Variants in FEZF2 observed in about 807,000 individuals in gnomAD.
The protein encoded by FEZF2 is fez family zinc finger protein 2.
Under a neutral mutation model 32.8 loss-of-function variants are expected in FEZF2, and 2 were observed. The ratio of observed to expected loss-of-function variants is 0.06; its 90% CI spans 0.02 to 0.19. FEZF2 has a LOEUF of 0.19. Ranked by LOEUF, FEZF2 falls within the 10% of genes least tolerant of loss-of-function variation. The pLI is 1.00. For synonymous variants in FEZF2, 322 were observed against 284.8 expected (o/e 1.13, Z -1.32); for missense variants, 516 against 625.4 (o/e 0.83, Z 1.87).
Position 62,370,533 on chromosome 3 carries a change from C to G in FEZF2, c.1121-191G>C, listed in dbSNP as rs569147768. Among the ~76,000 whole-genome samples the G allele has an allele frequency of 6.6e-6, 1 of 152,308 alleles. No individual in the cohort carries two copies. The highest frequency in any genetic ancestry group is 6.5e-5 in the Admixed American group (1 of 15,308). On this transcript the variant is annotated intron_variant, in intron 4 of 4. Coordinates refer to ENST00000283268, the MANE Select transcript of FEZF2 (RefSeq NM_018008.4). The surrounding 1 kb of genome is among the most constrained non-coding windows in gnomAD (Gnocchi z 4.2). ...AAGCCGGGTGCTCTCCCGACAAGAC[C>G]GAGACTGAGTCCCGCGGAGCCGCTC...
rs1022150045 is a variant in FEZF2 at position 62,372,620 on chromosome 3, C to T, written c.249G>A (p.Val83=). 1 of 1,562,496 alleles carries T rather than the reference C, an allele frequency of 6.4e-7. No individual in the cohort carries two copies. Among genetic ancestry groups the T allele is most frequent in the African/African-American group, 1.4e-5 (1 of 72,168 alleles). ...AGTAACTGAGCAGTGTCTTTGACGG[C>T]ACCTCGTAGCCTAGGGGCTGGAGGG... ...MIPLQPLGYE[V]PSKTLLSYSE... Residue 83 remains valine (V), a synonymous_variant, in exon 2 of 5, where the codon GTG becomes GTA. Coordinates refer to ENST00000283268, the MANE Select transcript of FEZF2 (RefSeq NM_018008.4). The surrounding 1 kb of genome is among the most constrained non-coding windows in gnomAD (Gnocchi z 9.6).
At chr3:62,371,792 G>A (rs964829165) in intron 2 of FEZF2, 125 bp from the exon 3 acceptor site, 2 of 1,453,900 alleles carry the variant, frequency 1.4e-6, no homozygotes, top group Non-Finnish European at 1.8e-6. Context: ...TTTTCAGTTT[G>A]TAAAGTGCTG....
At position 62,370,072 on chromosome 3, in the gene FEZF2, G is replaced by A. The variant is rs373008990; in HGVS notation, c.*11C>T. 1.2e-6 allele frequency: 2 copies of A among 1,612,396 alleles called. No individual in the cohort carries two copies. On this transcript the variant is annotated 3_prime_UTR_variant, in exon 5 of 5. Coordinates refer to ENST00000283268, the MANE Select transcript of FEZF2 (RefSeq NM_018008.4). This position sits in a 1 kb window ranked among gnomAD's most constrained non-coding sequence, Gnocchi z 4.2. ...GGTACAGGGAGGGAAGGAAGGGCAA[G>A]GCAGTAGCTCTCAGCTCTGCACTGT...
Position 62,370,227 on chromosome 3 carries a change from G to C in FEZF2, c.1236C>G (p.Asn412Lys). Residue 412 changes from asparagine (N) to lysine (K), a missense_variant, in exon 5 of 5, where the codon AAC (asparagine) becomes AAG (lysine). Physicochemically the swap from Asn to Lys is moderately conservative, Grantham distance 94. This residue lies in a region of FEZF2 where 79 missense variants were observed against 219.4 expected (regional missense o/e 0.36). Transcript: ENST00000283268. The surrounding 1 kb of genome is among the most constrained non-coding windows in gnomAD (Gnocchi z 4.2). ...TGGCGCACGTGAAAGGCTTCTTGTC[G>C]TTGTGGGTGTGCATATGGAAGGTTA... ...YNLTFHMHTH[N>K]DKKPFTCATC... The C allele has an allele frequency of 1.9e-6, 3 of 1,614,178 alleles. No homozygotes were observed. Among genetic ancestry groups the C allele is most frequent in the Non-Finnish European group, 2.5e-6 (3 of 1,180,044 alleles).
In FEZF2 at chr3:62,369,862, C is replaced by A. The variant is rs1242677361; in HGVS notation, c.*221G>T. Reference sequence around the variant, plus strand: ...CTGGAATTAAATACGTTTCGGCGCACTGGATTTAAATAAGTTTCCTGAATA... The same window carrying A: ...CTGGAATTAAATACGTTTCGGCGCAATGGATTTAAATAAGTTTCCTGAATA... On this transcript the variant is annotated 3_prime_UTR_variant, in exon 5 of 5. Transcript: ENST00000283268. The surrounding 1 kb of genome is among the most constrained non-coding windows in gnomAD (Gnocchi z 4.2). The A allele has an allele frequency of 1.1e-5, 6 of 530,738 alleles. No individual in the cohort carries two copies. The highest frequency in any genetic ancestry group is 1.9e-5 in the Non-Finnish European group (6 of 312,560). The allele number at this position is 530,738 out of a possible 1,614,324, so 32.9% of individuals were successfully genotyped here.
intron 4 of FEZF2, 98 bp downstream of exon 4, chr3:62,371,119 G>C: frequency 1.3e-6 from 2 of 1,564,992 alleles, no homozygotes; most frequent in African/African-American, 1.4e-5. Flanking sequence ...TGCAGATTTC[G>C]CCTTCTCTCT....
Position 62,370,646 on chromosome 3 carries a change from G to A in FEZF2, c.1121-304C>T, listed in dbSNP as rs1704256631. Among the ~76,000 whole-genome samples, 1 of 152,210 alleles carries A rather than the reference G, an allele frequency of 6.6e-6. No individual in the cohort carries two copies. Among genetic ancestry groups the A allele is most frequent in the African/African-American group, 2.4e-5 (1 of 41,466 alleles). ...CCGGGAAACTTTTGCGTAGCCCAGAGACGCACCGAGTCCTTCTCCTGGCTG... is the reference window on the plus strand; with the variant it reads ...CCGGGAAACTTTTGCGTAGCCCAGAAACGCACCGAGTCCTTCTCCTGGCTG... On this transcript the variant is annotated intron_variant, in intron 4 of 4. Coordinates refer to ENST00000283268, the MANE Select transcript of FEZF2 (RefSeq NM_018008.4). This position sits in a 1 kb window ranked among gnomAD's most constrained non-coding sequence, Gnocchi z 4.2.
Position 62,372,567 on chromosome 3 carries a change from G to A in FEZF2, c.302C>T (p.Ala101Val), listed in dbSNP as rs754278446. 2.2e-6 allele frequency: 3 copies of A among 1,383,492 alleles called. No individual in the cohort carries two copies. The highest frequency in any genetic ancestry group is 2.8e-6 in the Non-Finnish European group (3 of 1,069,130). 85.7% of individuals were successfully genotyped at this position (1,383,492 alleles called of 1,614,324 possible). A position where few individuals can be genotyped will look rare whatever the true frequency, so the allele number is the denominator to read the frequency against. Residue 101 changes from alanine to valine, a missense_variant, in exon 2 of 5, where the codon GCG (alanine) becomes GTG (valine). Around this residue, in one of 3 missense-constraint regions of FEZF2, gnomAD observed 408 missense variants for 382.2 expected, o/e 1.07. Transcript: ENST00000283268. This position sits in a 1 kb window ranked among gnomAD's most constrained non-coding sequence, Gnocchi z 9.6. ...GCCGCCGCCGCCTCCGCCGCCGCCCGCCCGGAGGCTGCTTTTCCAGAGCTC... is the reference window on the plus strand; with the variant it reads ...GCCGCCGCCGCCTCCGCCGCCGCCCACCCGGAGGCTGCTTTTCCAGAGCTC... The part of the protein sequence containing the change: ...YSELWKSSLR[A>V]GGGGGGGGGG...
At chr3:62,371,508 T>C in intron 3 of FEZF2, 25 bp downstream of exon 3, 7 of 1,603,824 alleles carry the variant, frequency 4.4e-6, no homozygotes, top group Non-Finnish European at 6.0e-6. Context: ...GCGCGCGGGC[T>C]AGGCCCGACC....
rs868273226 is a variant in FEZF2, at chr3:62,372,519, C to T, written c.350G>A (p.Gly117Glu). The change falls in exon 2 of 5, where the codon GGG becomes GAG. Residue 117 changes from glycine (G) to glutamate (E), a missense_variant. Coordinates refer to ENST00000283268, the MANE Select transcript of FEZF2 (RefSeq NM_018008.4). The surrounding 1 kb of genome is among the most constrained non-coding windows in gnomAD (Gnocchi z 9.6). ...GGGGGGGGGG[G>E]APVCGASGLC... ...GCCGCTGGCGCCGCACACTGGGGCC[C>T]CCCCGCCGCCGCCGCCGCCACCGCC... The T allele has an allele frequency of 9.2e-6, 12 of 1,299,228 alleles. No homozygotes were observed. The highest frequency in any genetic ancestry group is 1.5e-5 in the African/African-American group (1 of 64,886). 80.5% of individuals were successfully genotyped at this position (1,299,228 alleles called of 1,614,324 possible). A position where few individuals can be genotyped will look rare whatever the true frequency, so the allele number is the denominator to read the frequency against.
Position 62,370,154 on chromosome 3 carries a change from G to T in FEZF2, c.1309C>A (p.Arg437Ser). Residue 437 changes from arginine (R) to serine (S), a missense_variant, in exon 5 of 5, where the codon CGC becomes AGC. Physicochemically the swap from Arg to Ser is moderately radical, Grantham distance 110 (BLOSUM62 -1). This residue lies in a region of FEZF2 where 79 missense variants were observed against 219.4 expected (regional missense o/e 0.36). Transcript: ENST00000283268. This position sits in a 1 kb window ranked among gnomAD's most constrained non-coding sequence, Gnocchi z 4.2. ...CRNFDLKKHV[R>S]KLHDSVGPAA... Reference sequence around the variant, plus strand: ...GGGCCCACGCTGTCGTGGAGTTTGCGCACATGTTTCTTTAAGTCAAAGTTT... The same window carrying T: ...GGGCCCACGCTGTCGTGGAGTTTGCTCACATGTTTCTTTAAGTCAAAGTTT... 6.2e-7 allele frequency: 1 copy of T among 1,614,198 alleles called. No homozygotes were observed. Among genetic ancestry groups the T allele is most frequent in the South Asian group, 1.1e-5 (1 of 91,082 alleles).
Position 62,370,120 on chromosome 3 carries a change from G to A in FEZF2, c.1343C>T (p.Pro448Leu), listed in dbSNP as rs1474735737. The A allele has an allele frequency of 6.2e-7, 1 of 1,614,180 alleles. No homozygotes were observed. Among genetic ancestry groups the A allele is most frequent in the Non-Finnish European group, 8.5e-7 (1 of 1,180,028 alleles). The change falls in exon 5 of 5, where the codon CCC becomes CTC. Residue 448 changes from proline (P) to leucine (L), a missense_variant. Around this residue, in one of 3 missense-constraint regions of FEZF2, gnomAD observed 29 missense variants for 23.8 expected, o/e 1.22. Coordinates refer to ENST00000283268, the MANE Select transcript of FEZF2 (RefSeq NM_018008.4). The surrounding 1 kb of genome is among the most constrained non-coding windows in gnomAD (Gnocchi z 4.2). ...KLHDSVGPAA[P>L]SAKDLTRTVQ... ...TGTCCTAGTCAGGTCCTTTGCGGAGGGGGCAGCAGGGCCCACGCTGTCGTG... is the reference window on the plus strand; with the variant it reads ...TGTCCTAGTCAGGTCCTTTGCGGAGAGGGCAGCAGGGCCCACGCTGTCGTG...
rs1203998293 is a variant in FEZF2, at chr3:62,372,736, G to T, written c.133C>A (p.Pro45Thr). Residue 45 changes from proline (P) to threonine (T), a missense_variant, in exon 2 of 5, where the codon CCC (proline) becomes ACC (threonine). Pro to Thr is a conservative substitution (Grantham distance 38). Transcript: ENST00000283268. The surrounding 1 kb of genome is among the most constrained non-coding windows in gnomAD (Gnocchi z 9.6). ...IMAKTSEPRAPFEPRPGALEA... is the reference protein window; with the variant it reads ...IMAKTSEPRATFEPRPGALEA... ...AGCGCTCCAGGCCGGGGCTCAAAGGGCGCACGGGGCTCCGACGTCTTGGCC... is the reference window on the plus strand; with the variant it reads ...AGCGCTCCAGGCCGGGGCTCAAAGGTCGCACGGGGCTCCGACGTCTTGGCC... 1 of 1,609,458 alleles carries T rather than the reference G, an allele frequency of 6.2e-7. No homozygotes were observed. Among genetic ancestry groups the T allele is most frequent in the Non-Finnish European group, 8.5e-7 (1 of 1,178,012 alleles).
rs1222304646 is a variant in FEZF2, at chr3:62,370,524, C to T, written c.1121-182G>A. Among the ~76,000 whole-genome samples the T allele has an allele frequency of 2.0e-5, 3 of 152,206 alleles. No individual in the cohort carries two copies. The highest frequency in any genetic ancestry group is 1.9e-4 in the East Asian group (1 of 5,184). ...GTAAGCGTCAAGCCGGGTGCTCTCCCGACAAGACCGAGACTGAGTCCCGCG... is the reference window on the plus strand; with the variant it reads ...GTAAGCGTCAAGCCGGGTGCTCTCCTGACAAGACCGAGACTGAGTCCCGCG... On this transcript the variant is annotated intron_variant, in intron 4 of 4. Transcript: ENST00000283268. The surrounding 1 kb of genome is among the most constrained non-coding windows in gnomAD (Gnocchi z 4.2).
rs1445382370 is a variant in FEZF2, at chr3:62,370,875, A to G, written c.1120+342T>C. On this transcript the variant is annotated intron_variant, in intron 4 of 4. Coordinates refer to ENST00000283268, the MANE Select transcript of FEZF2 (RefSeq NM_018008.4). The surrounding 1 kb of genome is among the most constrained non-coding windows in gnomAD (Gnocchi z 4.2). ...TCCCGGGAGGGTTATTTTGCCTCCA[A>G]TATTTTTCATTTGAAAGGGAAGTTC... Among the ~76,000 whole-genome samples, 3 of 152,312 alleles carry G rather than the reference A, an allele frequency of 2.0e-5. No homozygotes were observed. The highest frequency in any genetic ancestry group is 4.8e-5 in the African/African-American group (2 of 41,570).
rs1427970398 is a variant in FEZF2 at position 62,373,122 on chromosome 3, G to A, written c.-59+157C>T. ...GGACTTTGAAAGGGGGAAGAAGGGG[G>A]AGGGTTTACAAAAGAAAAGGGGGGG... On this transcript the variant is annotated intron_variant, in intron 1 of 4. Transcript: ENST00000283268. The surrounding 1 kb of genome is among the most constrained non-coding windows in gnomAD (Gnocchi z 5.5). 1.0e-5 allele frequency: 3 copies of A among 289,000 alleles called. No individual in the cohort carries two copies. The highest frequency in any genetic ancestry group is 1.9e-5 in the Non-Finnish European group (3 of 156,066). 17.9% of individuals were successfully genotyped at this position (289,000 alleles called of 1,614,324 possible).
chr3:62,370,035 C>T lies in FEZF2; in HGVS notation c.*48G>A. The T allele has an allele frequency of 2.5e-6, 4 of 1,578,880 alleles. No individual in the cohort carries two copies. Among genetic ancestry groups the T allele is most frequent in the Non-Finnish European group, 3.5e-6 (4 of 1,158,280 alleles). ...TTAGAAATAAGTTTATATGTGTGAT[C>T]TGTTTTCAGGTGGTACAGGGAGGGA... On this transcript the variant is annotated 3_prime_UTR_variant, in exon 5 of 5. Transcript: ENST00000283268. The surrounding 1 kb of genome is among the most constrained non-coding windows in gnomAD (Gnocchi z 4.2).
Position 62,372,418 on chromosome 3 carries a change from C to A in FEZF2, c.451G>T (p.Val151Phe). Residue 151 changes from valine (V) to phenylalanine (F), a missense_variant, in exon 2 of 5, where the codon GTC (valine) becomes TTC (phenylalanine). Val to Phe is a conservative substitution (Grantham distance 50, BLOSUM62 -1). This residue lies in a region of FEZF2 where 408 missense variants were observed against 382.2 expected (regional missense o/e 1.07). Transcript: ENST00000283268. The surrounding 1 kb of genome is among the most constrained non-coding windows in gnomAD (Gnocchi z 9.6). ...TGGTTGATGACCTGCGGCTTGATGA[C>A]CCTGCCCGCGGGCAGCGCGGACGGC... is the stretch of plus-strand genomic sequence containing the variant. ...LAPSALPAGR[V>F]IKPQVINQAV... is the part of the protein sequence containing the mutation. 6.2e-7 allele frequency: 1 copy of A among 1,610,614 alleles called. No homozygotes were observed.
chr3:62,370,417 G>T lies in FEZF2; in HGVS notation c.1121-75C>A, dbSNP rs1704252378. The stretch of plus-strand genomic sequence containing the variant: ...GGGAGGAAGAGGCGGGCGTCCCAGG[G>T]GCAGCCCAGGTGCCTGCTCAAAAAA... On this transcript the variant is annotated intron_variant, in intron 4 of 4. Transcript: ENST00000283268. This position sits in a 1 kb window ranked among gnomAD's most constrained non-coding sequence, Gnocchi z 4.2. The T allele has an allele frequency of 6.5e-7, 1 of 1,535,302 alleles. No homozygotes were observed. Among genetic ancestry groups the T allele is most frequent in the African/African-American group, 1.4e-5 (1 of 72,870 alleles).
Sources: allele counts gnomAD v4.1 joint callset (sites outside exome capture counted in the v4.1 genomes callset), GRCh38; gene constraint gnomAD v4.1.1; regional missense constraint gnomAD v4.1.1; non-coding constraint Gnocchi (gnomAD v3.1); transcripts MANE v1.5; gene names NCBI Gene and HGNC (gene_info 2026-07-23, HGNC 2026-07-21).